LURAP1L: variants seen among roughly 807,000 people sequenced by gnomAD.
LURAP1L encodes the protein leucine rich adaptor protein 1-like.
A neutral mutation model predicts 13.8 loss-of-function variants in LURAP1L; 12 were observed. That is an observed-to-expected ratio of 0.87 (90% CI 0.56 to 1.41). The LOEUF is 1.41. LURAP1L is among the 40% of genes most tolerant of loss of function. The pLI is 0.00. For synonymous variants in LURAP1L, 139 were observed against 119.2 expected (o/e 1.17, Z -1.08); for missense variants, 375 against 292.9 (o/e 1.28, Z -2.04).
chr9:12,813,325 C>A (rs753611812), intron 1 of LURAP1L, among the ~76,000 whole-genome samples: 2 of 152,080 alleles, frequency 1.3e-5, no homozygotes, highest in Non-Finnish European at 2.9e-5. Context: ...AAATTCATGG[C>A]ATCCTAATTA....
chr9:12,803,214 GTGTT>G (rs1819610644), intron 1 of LURAP1L, among the ~76,000 whole-genome samples: 1 of 152,174 alleles, frequency 6.6e-6, no homozygotes, highest in Non-Finnish European at 1.5e-5. Flanking sequence ...TGTCACTAAT[GTGTT>G]TGTTTTTCCT....
intron 1 of LURAP1L, among the ~76,000 whole-genome samples, chr9:12,809,026 G>A (rs1167006841): frequency 6.6e-6 from 1 of 152,152 alleles, no homozygotes; most frequent in Non-Finnish European, 1.5e-5. Flanking sequence ...CAGAAGGAAA[G>A]GGCAGCTAGC....
chr9:12,800,160 AC>A (rs1819564725), intron 1 of LURAP1L, among the ~76,000 whole-genome samples: 1 of 152,164 alleles, frequency 6.6e-6, no homozygotes, highest in African/African-American at 2.4e-5. Flanking sequence ...GCAACTTTGT[AC>A]CCTTTGACCT....
At chr9:12,797,543 C>G (rs1179371849) in intron 1 of LURAP1L, among the ~76,000 whole-genome samples, 1 of 151,930 alleles carries the variant, frequency 6.6e-6, no homozygotes, top group Non-Finnish European at 1.5e-5. Flanking sequence ...CCTGTATCTA[C>G]CAGGATTTTC....
At chr9:12,799,942 T>C (rs1284165245) in intron 1 of LURAP1L, among the ~76,000 whole-genome samples, 1 of 152,198 alleles carries the variant, frequency 6.6e-6, no homozygotes, top group African/African-American at 2.4e-5. Context: ...CATAATGTTT[T>C]GATATACATA....
chr9:12,811,897 C>T (rs1819741723), intron 1 of LURAP1L, among the ~76,000 whole-genome samples: 1 of 152,178 alleles, frequency 6.6e-6, no homozygotes, highest in Admixed American at 6.5e-5. Context: ...AGGCTGCAGT[C>T]ATCTCAAGGC....
intron 1 of LURAP1L, among the ~76,000 whole-genome samples, chr9:12,777,910 T>C (rs10809841): frequency 0.85 from 128,675 of 152,118 alleles, 54,610 homozygotes; most frequent in Non-Finnish European, 0.88. Context: ...CACAATTAGT[T>C]TTTTTTTATA....
intron 1 of LURAP1L, among the ~76,000 whole-genome samples, chr9:12,782,515 T>A (rs1212244931): frequency 2.0e-5 from 3 of 152,216 alleles, no homozygotes. Context: ...CAGTGTATGT[T>A]CTTGGCATCT....
chr9:12,793,740 A>T (rs1482308906), intron 1 of LURAP1L, among the ~76,000 whole-genome samples: 1 of 152,094 alleles, frequency 6.6e-6, no homozygotes, highest in Admixed American at 6.6e-5. Flanking sequence ...ATCTAGTCAT[A>T]GTACAAAGAA....
At chr9:12,790,523 T>C (rs974945097) in intron 1 of LURAP1L, 7 of 152,240 alleles carry the variant, frequency 4.6e-5, no homozygotes, top group African/African-American at 1.4e-4. Flanking sequence ...AGGTTCCTGG[T>C]TAAAGAAAGA....
Position 12,821,611 on chromosome 9 carries a change from G to T in LURAP1L, c.538G>T (p.Gly180Ter). The part of the protein sequence containing the change: ...GSDGLDGISV[G>*]SYLDTLADDV... ...TGATGGGCTGGATGGCATTTCCGTGGGAAGTTATCTGGACACGTTGGCGGA... is the reference window on the plus strand; with the variant it reads ...TGATGGGCTGGATGGCATTTCCGTGTGAAGTTATCTGGACACGTTGGCGGA... Residue 180 changes from glycine (G) to a stop codon, truncating the protein, a stop_gained, in exon 2 of 2, where the codon GGA (glycine) becomes TGA (stop). Coordinates refer to ENST00000319264, the MANE Select transcript of LURAP1L (RefSeq NM_203403.2). LOFTEE classifies it high-confidence loss of function. The T allele has an allele frequency of 6.2e-7, 1 of 1,614,154 alleles. No homozygotes were observed. The highest frequency in any genetic ancestry group is 8.5e-7 in the Non-Finnish European group (1 of 1,180,046).
intron 1 of LURAP1L, among the ~76,000 whole-genome samples, chr9:12,782,400 T>C (rs1819285432): frequency 6.6e-6 from 1 of 152,178 alleles, no homozygotes; most frequent in African/African-American, 2.4e-5. Context: ...TGTAAGTCTT[T>C]GATTAGATTT....
intron 1 of LURAP1L, among the ~76,000 whole-genome samples, chr9:12,812,401 C>T (rs769596903): frequency 2.0e-5 from 3 of 152,144 alleles, no homozygotes; most frequent in Non-Finnish European, 4.4e-5. Flanking sequence ...CAGCGCCCAT[C>T]CATTTTATTC....
At chr9:12,803,932 T>A (rs2118519571) in intron 1 of LURAP1L, among the ~76,000 whole-genome samples, 1 of 152,294 alleles carries the variant, frequency 6.6e-6, no homozygotes, top group East Asian at 1.9e-4. Flanking sequence ...CATCACAATA[T>A]TCAATACTTG....
chr9:12,789,234 A>G (rs1369152018), intron 1 of LURAP1L, among the ~76,000 whole-genome samples: 1 of 152,208 alleles, frequency 6.6e-6, no homozygotes, highest in African/African-American at 2.4e-5. Flanking sequence ...TTAAGCACTT[A>G]ATTTAAATAA....
At chr9:12,778,179 G>A (rs961626894) in intron 1 of LURAP1L, among the ~76,000 whole-genome samples, 5 of 152,172 alleles carry the variant, frequency 3.3e-5, no homozygotes. Flanking sequence ...GATAAACCAG[G>A]GTTTCAGACA....
intron 1 of LURAP1L, among the ~76,000 whole-genome samples, chr9:12,786,580 A>ATATATATATATC (rs1296789805): frequency 7.4e-6 from 1 of 134,514 alleles, no homozygotes; most frequent in Non-Finnish European, 1.6e-5. Flanking sequence ...ATATATATAT[A>ATATATATATATC]TAAACCCTTG....
At chr9:12,788,571 T>G (rs1280451163) in intron 1 of LURAP1L, among the ~76,000 whole-genome samples, 3 of 152,102 alleles carry the variant, frequency 2.0e-5, no homozygotes, top group Non-Finnish European at 4.4e-5. Context: ...AAATGGCCAA[T>G]AATGGCAAAT....
chr9:12,782,102 T>C (rs1819281099), intron 1 of LURAP1L, among the ~76,000 whole-genome samples: 1 of 152,226 alleles, frequency 6.6e-6, no homozygotes, highest in South Asian at 2.1e-4. Flanking sequence ...TTAATCAGAT[T>C]ATTAGACATT....
Sources: allele counts gnomAD v4.1 joint callset (sites outside exome capture counted in the v4.1 genomes callset), GRCh38; gene constraint gnomAD v4.1.1; transcripts MANE v1.5; gene names NCBI Gene and HGNC (gene_info 2026-07-23, HGNC 2026-07-21).